Variants in RBPJ observed in about 807,000 individuals in gnomAD.
RBPJ encodes the protein recombining binding protein suppressor of hairless.
In RBPJ, 9 loss-of-function variants were observed where a neutral mutation model predicts 67.8. The ratio of observed to expected loss-of-function variants is 0.13; its 90% confidence interval spans 0.08 to 0.23. The LOEUF (loss-of-function observed/expected upper bound fraction) is 0.23. Ranked by LOEUF, RBPJ falls within the 10% of genes least tolerant of loss-of-function variation. The pLI is 1.00. For missense variants in RBPJ, 305 were observed against 595.6 expected (o/e 0.51, Z 5.08); for synonymous variants, 198 against 203.3 (o/e 0.97, Z 0.22).
At chr4:26,145,171 C>CTTGT in the RBPJ span, among the ~76,000 whole-genome samples, 3 of 151,674 alleles carry the variant, frequency 2.0e-5, no homozygotes, top group Non-Finnish European at 4.4e-5. Flanking sequence ...ATACAAGCTG[C>CTTGT]TCGTCCCAGA....
intron 1 of RBPJ, among the ~76,000 whole-genome samples, chr4:26,375,189 A>G (rs957444665): frequency 6.6e-6 from 1 of 151,322 alleles, no homozygotes; most frequent in African/African-American, 2.4e-5. Flanking sequence ...CTGTGGTCCT[A>G]GCTACTGGGG....
At chr4:26,249,746 G>A (rs1384170491) in intron 1 of RBPJ, among the ~76,000 whole-genome samples, 1 of 149,904 alleles carries the variant, frequency 6.7e-6, no homozygotes, top group African/African-American at 2.5e-5. Context: ...TCACATTGTT[G>A]TGCAAACATC....
At chr4:26,144,369 A>G in the RBPJ span, among the ~76,000 whole-genome samples, 3 of 145,104 alleles carry the variant, frequency 2.1e-5, no homozygotes, top group Non-Finnish European at 4.5e-5. Context: ...TCCTGAGTTC[A>G]AGCAATTCTC....
chr4:26,354,646 C>G (rs1384367418), intron 1 of RBPJ, among the ~76,000 whole-genome samples: 2 of 151,968 alleles, frequency 1.3e-5, no homozygotes. Context: ...GACCGGGTTT[C>G]TCCGTGTTGG....
the RBPJ span, among the ~76,000 whole-genome samples, chr4:26,122,453 AT>A: frequency 6.6e-6 from 1 of 152,202 alleles, no homozygotes; most frequent in Non-Finnish European, 1.5e-5. Flanking sequence ...GAATGTGGGT[AT>A]TGTAGGTTCA....
At chr4:26,330,346 T>C (rs985728904) in intron 1 of RBPJ, among the ~76,000 whole-genome samples, 61 of 152,234 alleles carry the variant, frequency 4.0e-4, no homozygotes, top group African/African-American at 1.3e-3. Context: ...TGGATGAATA[T>C]GGCTTGAGCA....
At chr4:26,300,820 A>T (rs778069458) in intron 1 of RBPJ, among the ~76,000 whole-genome samples, 1 of 152,228 alleles carries the variant, frequency 6.6e-6, no homozygotes, top group Non-Finnish European at 1.5e-5. Context: ...ATGACAGATG[A>T]AGATTTAATA....
intron 1 of RBPJ, among the ~76,000 whole-genome samples, chr4:26,216,706 T>C (rs1181652869): frequency 2.0e-5 from 3 of 152,096 alleles, no homozygotes; most frequent in African/African-American, 4.8e-5. Flanking sequence ...GTGGATCACT[T>C]AAGCCTGGGA....
rs539080427 is a variant in RBPJ, at chr4:26,389,831, C to G, written c.59+3440C>G. On this transcript the variant is annotated intron_variant, in intron 2 of 10. Coordinates refer to ENST00000355476, the MANE Select transcript of RBPJ (RefSeq NM_015874.6). ...AAACCTTCTGACAAAACTGCAGGCCCAGATGGCTTCACTGTTGAATTCTAC... is the reference window on the plus strand; with the variant it reads ...AAACCTTCTGACAAAACTGCAGGCCGAGATGGCTTCACTGTTGAATTCTAC... 7.3e-4 allele frequency among the ~76,000 whole-genome samples: 111 copies of G among 152,070 alleles called. 3 individuals are homozygous for G. In the South Asian group the frequency reaches 0.021, roughly 28 times the overall value.
chr4:26,370,528 A>C (rs143029463), intron 1 of RBPJ, among the ~76,000 whole-genome samples: 89 of 152,324 alleles, frequency 5.8e-4, no homozygotes, highest in African/African-American at 2.1e-3. Flanking sequence ...AAACTACATC[A>C]GGGAATTTGT....
At position 26,424,683 on chromosome 4, in the gene RBPJ, C is replaced by T. The variant is rs1453944394; in HGVS notation, c.687C>T (p.Ile229=). ...AATTCACAGTCCGAGATGGCTACAT[C>T]CATTATGGACAAACAGTCAAACTTG... The part of the protein sequence containing the change: ...GEEFTVRDGY[I]HYGQTVKLVC... Residue 229 remains isoleucine (I), a synonymous_variant, in exon 7 of 11, where the codon ATC becomes ATT. Coordinates refer to ENST00000355476, the MANE Select transcript of RBPJ (RefSeq NM_015874.6). This position sits in a 1 kb window ranked among gnomAD's most constrained non-coding sequence, Gnocchi z 5.3. 6.2e-7 allele frequency: 1 copy of T among 1,613,860 alleles called. No individual in the cohort carries two copies. The highest frequency in any genetic ancestry group is 2.2e-5 in the East Asian group (1 of 44,874).
chr4:26,195,310 CA>C (rs765073217), intron 1 of RBPJ, among the ~76,000 whole-genome samples: 7 of 152,190 alleles, frequency 4.6e-5, no homozygotes, highest in Non-Finnish European at 1.0e-4. Flanking sequence ...TTCAAAGCTG[CA>C]GTCTTTTATC....
At chr4:26,328,306 A>C (rs1567545) in intron 1 of RBPJ, among the ~76,000 whole-genome samples, 1 of 152,134 alleles carries the variant, frequency 6.6e-6, no homozygotes, top group African/African-American at 2.4e-5. Flanking sequence ...TTTAATAACA[A>C]TATATTTATT....
At chr4:26,254,582 ATAAC>A (rs776387870) in intron 1 of RBPJ, among the ~76,000 whole-genome samples, 1 of 148,662 alleles carries the variant, frequency 6.7e-6, no homozygotes, top group Admixed American at 6.6e-5. Flanking sequence ...TCTTTGCCAC[ATAAC>A]TAGTTTTTTT....
At chr4:26,337,624 A>G (rs1055532771) in intron 1 of RBPJ, among the ~76,000 whole-genome samples, 10 of 148,842 alleles carry the variant, frequency 6.7e-5, no homozygotes, top group Admixed American at 5.4e-4. Context: ...TGTTTTTTCC[A>G]TGAGGTTATT....
chr4:26,114,924 T>C, the RBPJ span, among the ~76,000 whole-genome samples: 1 of 152,210 alleles, frequency 6.6e-6, no homozygotes, highest in Non-Finnish European at 1.5e-5. Context: ...AGGTAATAAA[T>C]ACCCAACACT....
At chr4:26,227,603 A>G (rs1013469505) in intron 1 of RBPJ, among the ~76,000 whole-genome samples, 2 of 152,192 alleles carry the variant, frequency 1.3e-5, no homozygotes, top group Non-Finnish European at 2.9e-5. Context: ...GTCTGAATGC[A>G]TGCATTTATT....
At chr4:26,262,743 GC>G (rs1560234502) in intron 1 of RBPJ, among the ~76,000 whole-genome samples, 2 of 152,112 alleles carry the variant, frequency 1.3e-5, no homozygotes, top group African/African-American at 4.8e-5. Context: ...CCTCTATTGA[GC>G]TTTTCAACCA....
chr4:26,183,613 T>A (rs941648832), intron 1 of RBPJ, among the ~76,000 whole-genome samples: 9 of 152,104 alleles, frequency 5.9e-5, no homozygotes, highest in African/African-American at 2.2e-4. Flanking sequence ...GTTGGGAAAT[T>A]TTTCTAACAG....
Sources: allele counts gnomAD v4.1 joint callset (sites outside exome capture counted in the v4.1 genomes callset), GRCh38; gene constraint gnomAD v4.1.1; non-coding constraint Gnocchi (gnomAD v3.1); transcripts MANE v1.5; gene names NCBI Gene and HGNC (gene_info 2026-07-23, HGNC 2026-07-21).